PGR: variants seen among roughly 807,000 people sequenced by gnomAD.
The protein encoded by PGR is nuclear receptor subfamily 3 group C member 3.
In PGR, 25 loss-of-function variants were observed where a neutral mutation model predicts 76.1. That is an observed-to-expected ratio of 0.33 (90% confidence interval 0.24 to 0.46). The LOEUF (loss-of-function observed/expected upper bound fraction) is 0.46, where lower values mean the gene tolerates loss of function less well. PGR is among the 20% of genes least tolerant of loss of function. PGR has a pLI of 1.00. For synonymous variants in PGR, 579 were observed against 535.0 expected (o/e 1.08, Z -1.14); for missense variants, 1,172 against 1,225.3 (o/e 0.96, Z 0.65).
rs1038615758 is a variant in PGR at position 101,129,803 on chromosome 11, A to T, written c.-733T>A. 1.7e-5 allele frequency: 3 copies of T among 176,332 alleles called. No homozygotes were observed. Among genetic ancestry groups the T allele is most frequent in the Non-Finnish European group, 3.7e-5 (3 of 81,820 alleles). 10.9% of individuals were successfully genotyped at this position (176,332 alleles called of 1,614,324 possible). On this transcript the variant is annotated 5_prime_UTR_variant, in exon 1 of 8. Coordinates refer to ENST00000325455, the MANE Select transcript of PGR (RefSeq NM_000926.4). ...AACAAGGCTTACCCCGATTAGTGAC[A>T]GCTGTGGACTGGCCAGACAGCTTTC... is the stretch of plus-strand genomic sequence containing the variant.
In PGR at chr11:101,128,915, A is replaced by G; in HGVS notation, c.156T>C (p.Pro52=). The G allele has an allele frequency of 3.7e-6, 6 of 1,613,468 alleles. No homozygotes were observed. In the Middle Eastern group the frequency reaches 8.3e-4, roughly 222 times the overall value. The stretch of plus-strand genomic sequence containing the variant: ...GGAAGAGTAGCCCGTCCAGGGAGAT[A>G]GGTATGGCCGAAACTTCAGGCAAGG... The part of the protein sequence containing the change: ...SDTLPEVSAI[P]ISLDGLLFPR... The change falls in exon 1 of 8, where the codon CCT becomes CCC. Residue 52 remains proline, a synonymous_variant. Coordinates refer to ENST00000325455, the MANE Select transcript of PGR (RefSeq NM_000926.4).
intron 3 of PGR, among the ~76,000 whole-genome samples, chr11:101,073,652 A>C (rs941626399): frequency 6.6e-6 from 1 of 152,190 alleles, no homozygotes; most frequent in Non-Finnish European, 1.5e-5. Context: ...AGGGGATATC[A>C]CCAGTGATCC....
chr11:101,072,166 C>T (rs1338687329), intron 3 of PGR, among the ~76,000 whole-genome samples: 2 of 152,124 alleles, frequency 1.3e-5, no homozygotes, highest in African/African-American at 4.8e-5. Context: ...GAGTGGAGGC[C>T]AATATTCAAC....
chr11:101,039,391 T>C (rs1859621104), intron 7 of PGR, 120 bp from the exon 8 acceptor site: 1 of 776,764 alleles, frequency 1.3e-6, no homozygotes, highest in Non-Finnish European at 2.1e-6. Context: ...AAGGTGTTTT[T>C]TTCTTACCAT....
At chr11:101,090,461 G>A (rs777335158) in intron 3 of PGR, among the ~76,000 whole-genome samples, 14 of 152,240 alleles carry the variant, frequency 9.2e-5, no homozygotes, top group Non-Finnish European at 1.8e-4. Context: ...GCCAGGGTCA[G>A]AATACCTTCA....
At chr11:101,109,288 A>G (rs962036110) in intron 2 of PGR, among the ~76,000 whole-genome samples, 3 of 152,212 alleles carry the variant, frequency 2.0e-5, no homozygotes, top group African/African-American at 4.8e-5. Context: ...TTCGTGAGGG[A>G]GGAATGTCAA....
intron 3 of PGR, among the ~76,000 whole-genome samples, chr11:101,069,238 G>C (rs1209034986): frequency 1.3e-5 from 2 of 152,032 alleles, no homozygotes; most frequent in Non-Finnish European, 2.9e-5. Flanking sequence ...AGACATTTAT[G>C]TGGCCAAAAA....
In PGR at chr11:101,034,501, T is replaced by C. The variant is rs554815610; in HGVS notation, c.*4615A>G. 2.2e-5 allele frequency: 4 copies of C among 178,600 alleles called. No individual in the cohort carries two copies. The highest frequency in any genetic ancestry group is 9.4e-5 in the African/African-American group (4 of 42,440). The allele number at this position is 178,600 out of a possible 1,614,324, so 11.1% of individuals were successfully genotyped here. On this transcript the variant is annotated 3_prime_UTR_variant, in exon 8 of 8. Coordinates refer to ENST00000325455, the MANE Select transcript of PGR (RefSeq NM_000926.4). ...TGAACAGCTGCTGTGTTTAACTTACTACCAACACCCCCAAATTCTTAAATT... is the reference window on the plus strand; with the variant it reads ...TGAACAGCTGCTGTGTTTAACTTACCACCAACACCCCCAAATTCTTAAATT...
At chr11:101,103,853 T>A (rs922677716) in intron 2 of PGR, among the ~76,000 whole-genome samples, 9 of 152,232 alleles carry the variant, frequency 5.9e-5, no homozygotes, top group African/African-American at 1.9e-4. Flanking sequence ...AAAAGTAAAA[T>A]TTTTATTTAA....
intron 3 of PGR, among the ~76,000 whole-genome samples, chr11:101,070,764 T>C (rs981625816): frequency 2.0e-5 from 3 of 152,202 alleles, no homozygotes; most frequent in African/African-American, 7.2e-5. Flanking sequence ...GTAGCCAGAC[T>C]GCCTCTCTAG....
At chr11:101,047,934 T>C (rs1302969478) in intron 6 of PGR, among the ~76,000 whole-genome samples, 2 of 152,206 alleles carry the variant, frequency 1.3e-5, no homozygotes, top group Non-Finnish European at 2.9e-5. Flanking sequence ...AAACATAATT[T>C]CCTCTTTCTT....
In PGR at chr11:101,038,903, A is replaced by C. The variant is rs1859601839; in HGVS notation, c.*213T>G. The C allele has an allele frequency of 4.3e-6, 2 of 460,530 alleles. No homozygotes were observed. Among genetic ancestry groups the C allele is most frequent in the Non-Finnish European group, 3.8e-6 (1 of 259,796 alleles). The allele number at this position is 460,530 out of a possible 1,614,324, so 28.5% of individuals were successfully genotyped here. ...TTTCAATCTTGTAAATTCTTCAAGAAAATATGGGTAAACAAAACAGTTAAA... is the reference window on the plus strand; with the variant it reads ...TTTCAATCTTGTAAATTCTTCAAGACAATATGGGTAAACAAAACAGTTAAA... On this transcript the variant is annotated 3_prime_UTR_variant, in exon 8 of 8. Coordinates refer to ENST00000325455, the MANE Select transcript of PGR (RefSeq NM_000926.4).
chr11:101,096,643 T>C (rs1218460720), intron 2 of PGR, among the ~76,000 whole-genome samples: 1 of 152,150 alleles, frequency 6.6e-6, no homozygotes, highest in Non-Finnish European at 1.5e-5. Context: ...GTCACAACAT[T>C]TTCCTGGAAA....
chr11:101,113,364 C>T (rs1398211298), intron 2 of PGR, among the ~76,000 whole-genome samples: 1 of 151,924 alleles, frequency 6.6e-6, no homozygotes, highest in Non-Finnish European at 1.5e-5. Context: ...TAGGTTCATG[C>T]CATTCTCCTG....
intron 6 of PGR, 136 bp from the exon 7 acceptor site, chr11:101,042,238 A>G: frequency 1.3e-6 from 1 of 769,862 alleles, no homozygotes; most frequent in South Asian, 1.7e-5. Context: ...TATAGGAAAG[A>G]GATAGTGTTA....
At chr11:101,106,526 T>G (rs557637438) in intron 2 of PGR, among the ~76,000 whole-genome samples, 2 of 152,294 alleles carry the variant, frequency 1.3e-5, no homozygotes, top group South Asian at 4.1e-4. Context: ...TACCATCTCA[T>G]GGCAGTTGGA....
chr11:101,086,847 C>T (rs1376775552), intron 3 of PGR, among the ~76,000 whole-genome samples: 2 of 152,014 alleles, frequency 1.3e-5, no homozygotes, highest in Non-Finnish European at 2.9e-5. Flanking sequence ...GCCACACACA[C>T]ACACAAAATA....
At chr11:101,115,287 C>G (rs1862466305) in intron 2 of PGR, among the ~76,000 whole-genome samples, 1 of 151,924 alleles carries the variant, frequency 6.6e-6, no homozygotes, top group Non-Finnish European at 1.5e-5. Context: ...ACATTTTGGT[C>G]TCCCTAGCTA....
intron 3 of PGR, among the ~76,000 whole-genome samples, chr11:101,080,249 T>G (rs1240431944): frequency 6.6e-6 from 1 of 152,108 alleles, no homozygotes; most frequent in Non-Finnish European, 1.5e-5. Context: ...TCCAGCCACA[T>G]TGGTCACAGC....
Sources: gnomAD v4.1 joint callset for allele counts (sites outside exome capture counted in the v4.1 genomes callset) on GRCh38, gnomAD v4.1.1 for gene constraint, MANE v1.5 for transcripts, NCBI Gene and HGNC (gene_info 2026-07-23, HGNC 2026-07-21) for gene names.